The following TEK variants were observed in gnomAD, a reference collection of about 807,000 sequenced individuals.
TEK encodes TEK receptor tyrosine kinase, also known as angiopoietin-1 receptor.
TEK carries 43 observed loss-of-function variants against 131.8 expected under a neutral mutation model. That is an observed-to-expected ratio of 0.33 (90% confidence interval 0.26 to 0.42). TEK has a LOEUF of 0.42. Ranked by LOEUF, TEK falls within the 10% of genes least tolerant of loss-of-function variation. TEK has a pLI of 1.00. For synonymous variants in TEK, 580 were observed against 491.6 expected (o/e 1.18, Z -2.38); for missense variants, 1,162 against 1,384.4 (o/e 0.84, Z 2.55).
chr9:27,183,225 G>A (rs1824458662), intron 7 of TEK, among the ~76,000 whole-genome samples: 1 of 152,168 alleles, frequency 6.6e-6, no homozygotes, highest in South Asian at 2.1e-4. Flanking sequence ...CGTGGACTCT[G>A]GATTTATAAA....
chr9:27,195,159 A>G (rs927131808), intron 11 of TEK, among the ~76,000 whole-genome samples: 7 of 152,178 alleles, frequency 4.6e-5, no homozygotes, highest in African/African-American at 9.7e-5. Flanking sequence ...ACCTCTCTCC[A>G]TTTGCAAAGG....
intron 18 of TEK, among the ~76,000 whole-genome samples, chr9:27,214,982 C>G (rs1198611199): frequency 6.6e-6 from 1 of 152,188 alleles, no homozygotes; most frequent in Non-Finnish European, 1.5e-5. Context: ...GCTTTCCCAA[C>G]TCCTCCCTCA....
Position 27,213,523 on chromosome 9 carries a change from G to T in TEK, c.2917G>T (p.Gly973Cys), listed in dbSNP as rs1388103911. 6.2e-7 allele frequency: 1 copy of T among 1,614,032 alleles called. No homozygotes were observed. Among genetic ancestry groups the T allele is most frequent in the Non-Finnish European group, 8.5e-7 (1 of 1,179,944 alleles). Residue 973 changes from glycine (G) to cysteine (C), a missense_variant, in exon 18 of 23, where the codon GGT (glycine) becomes TGT (cysteine). By Grantham distance (159) the Gly-to-Cys change is radical (BLOSUM62 -3). This residue lies in a region of TEK where 107 missense variants were observed against 173.9 expected (regional missense o/e 0.62). Coordinates refer to ENST00000380036, the MANE Select transcript of TEK (RefSeq NM_000459.5). ...TCTGGCTGCCAGAAACATTTTAGTTGGTGAAAACTATGTGGCAAAAATAGC... is the reference window on the plus strand; with the variant it reads ...TCTGGCTGCCAGAAACATTTTAGTTTGTGAAAACTATGTGGCAAAAATAGC... ...RDLAARNILV[G>C]ENYVAKIADF...
intron 19 of TEK, among the ~76,000 whole-genome samples, chr9:27,218,133 C>CGGGGGGG (rs1429206297): frequency 7.0e-6 from 1 of 143,802 alleles, no homozygotes; most frequent in Non-Finnish European, 1.5e-5. Flanking sequence ...CAGACAGTGG[C>CGGGGGGG]GGGGGTCGTC....
intron 1 of TEK, among the ~76,000 whole-genome samples, chr9:27,128,978 G>T (rs752746004): frequency 8.6e-5 from 13 of 152,040 alleles, no homozygotes; most frequent in Non-Finnish European, 1.5e-4. Context: ...TCTTTCTCTT[G>T]CCTGATTGCC....
chr9:27,159,398 G>C (rs1823462687), intron 2 of TEK, among the ~76,000 whole-genome samples: 1 of 152,168 alleles, frequency 6.6e-6, no homozygotes, highest in Non-Finnish European at 1.5e-5. Context: ...CCTAGTATCA[G>C]AGTGAGAGGG....
rs984667090 is a variant in TEK at position 27,229,494 on chromosome 9, T to A, written c.*262T>A. 5.4e-5 allele frequency: 27 copies of A among 497,086 alleles called. No homozygotes were observed. Among genetic ancestry groups the A allele is most frequent in the Admixed American group, 1.6e-4 (5 of 30,746 alleles). The allele number at this position is 497,086 out of a possible 1,614,324, so 30.8% of individuals were successfully genotyped here. A position where few individuals can be genotyped will look rare whatever the true frequency, so the allele number is the denominator to read the frequency against. On this transcript the variant is annotated 3_prime_UTR_variant, in exon 23 of 23. Transcript: ENST00000380036. ...TTTCATATGCAATAATATATTTTTT[T>A]AAAAATGTGGACTTCATAGGAAGGC...
At chr9:27,109,868 G>A (rs928323278) in intron 1 of TEK, among the ~76,000 whole-genome samples, 2 of 152,100 alleles carry the variant, frequency 1.3e-5, no homozygotes, top group African/African-American at 2.4e-5. Context: ...ATTGGCCCCT[G>A]TGTTAGAAAC....
chr9:27,152,127 C>T (rs148427367), intron 1 of TEK, among the ~76,000 whole-genome samples: 2 of 152,264 alleles, frequency 1.3e-5, no homozygotes, highest in African/African-American at 4.8e-5. Context: ...CCATGAACAC[C>T]TTTTGAAAAA....
chr9:27,162,416 T>G (rs1459940945), intron 2 of TEK, among the ~76,000 whole-genome samples: 2 of 152,326 alleles, frequency 1.3e-5, no homozygotes, highest in South Asian at 4.1e-4. Flanking sequence ...GCAGTTTGAC[T>G]CAAACCTCCT....
chr9:27,177,733 A>G (rs903610475), intron 6 of TEK, among the ~76,000 whole-genome samples: 31 of 152,210 alleles, frequency 2.0e-4, no homozygotes, highest in Non-Finnish European at 3.5e-4. Flanking sequence ...CTGGGCAACA[A>G]GAGTGAAACT....
chr9:27,154,554 C>A (rs1823255645), intron 1 of TEK, among the ~76,000 whole-genome samples: 1 of 152,190 alleles, frequency 6.6e-6, no homozygotes, highest in Admixed American at 6.5e-5. Flanking sequence ...AATAGGTCAT[C>A]GTTGTTCTTC....
At chr9:27,198,494 T>C (rs575667874) in intron 12 of TEK, 2 of 152,366 alleles carry the variant, frequency 1.3e-5, no homozygotes, top group Admixed American at 1.3e-4. Context: ...CAGTGACTTA[T>C]GAAAGTCTGA....
chr9:27,136,902 T>C (rs965389356), intron 1 of TEK, among the ~76,000 whole-genome samples: 1 of 152,138 alleles, frequency 6.6e-6, no homozygotes, highest in Admixed American at 6.5e-5. Context: ...AATCTCTCCA[T>C]GTTTTTAAAT....
chr9:27,134,442 A>G (rs951278246), intron 1 of TEK, among the ~76,000 whole-genome samples: 4 of 152,210 alleles, frequency 2.6e-5, no homozygotes, highest in African/African-American at 9.6e-5. Context: ...TCAATCACAC[A>G]ACAGAGCAAA....
At chr9:27,114,376 G>T (rs1010958887) in intron 1 of TEK, among the ~76,000 whole-genome samples, 2 of 152,100 alleles carry the variant, frequency 1.3e-5, no homozygotes, top group Non-Finnish European at 2.9e-5. Flanking sequence ...TCCGAGACCA[G>T]CCTGACCAAC....
chr9:27,171,868 G>A (rs1823972379), intron 4 of TEK, among the ~76,000 whole-genome samples: 1 of 152,160 alleles, frequency 6.6e-6, no homozygotes, highest in South Asian at 2.1e-4. Context: ...GAGTCTGAAT[G>A]TCAAGGAAGC....
rs1824563083 is a variant in TEK, at chr9:27,185,513, T to C, written c.1211T>C (p.Phe404Ser). 6.2e-7 allele frequency: 1 copy of C among 1,613,826 alleles called. No homozygotes were observed. The highest frequency in any genetic ancestry group is 8.5e-7 in the Non-Finnish European group (1 of 1,179,788). ...HPKDFNHTDHFSVAIFTIHRI... is the reference protein window; with the variant it reads ...HPKDFNHTDHSSVAIFTIHRI... ...AAAGACTTTAACCATACGGATCATT[T>C]CTCAGTAGCCATATTCACCATCCAC... is the stretch of plus-strand genomic sequence containing the variant. Residue 404 changes from phenylalanine to serine, a missense_variant, in exon 9 of 23, where the codon TTC becomes TCC. By Grantham distance (155) the Phe-to-Ser change is radical (BLOSUM62 -2). Transcript: ENST00000380036.
intron 1 of TEK, among the ~76,000 whole-genome samples, chr9:27,136,092 T>C (rs1044719965): frequency 6.6e-6 from 1 of 150,788 alleles, no homozygotes; most frequent in Non-Finnish European, 1.5e-5. Flanking sequence ...GTTATTTTTT[T>C]TTTTTTTGAG....
Sources: allele counts gnomAD v4.1 joint callset (sites outside exome capture counted in the v4.1 genomes callset), GRCh38; gene constraint gnomAD v4.1.1; regional missense constraint gnomAD v4.1.1; transcripts MANE v1.5; gene names NCBI Gene and HGNC (gene_info 2026-07-23, HGNC 2026-07-21).